FAT3: variants seen among roughly 807,000 people sequenced by gnomAD.
FAT3 encodes protocadherin Fat 3.
In FAT3, 95 loss-of-function variants were observed where a neutral mutation model predicts 310.2. That is an observed-to-expected ratio of 0.31 (90% confidence interval 0.26 to 0.36). The LOEUF (loss-of-function observed/expected upper bound fraction) is 0.36, where lower values mean the gene tolerates loss of function less well. Among genes scored for constraint, FAT3 ranks in the 10% least tolerant of loss-of-function variants. The probability of loss-of-function intolerance (pLI) is 1.00; values close to 1 mark genes in which losing one functional copy is unlikely to be tolerated. For synonymous variants in FAT3, 2,314 were observed against 2,192.9 expected, an observed-to-expected ratio of 1.06 and a Z score of -1.54; for missense variants, 5,408 against 5,715.6, an observed-to-expected ratio of 0.95 and a Z score of 1.74.
chr11:92,439,936 G>T (rs1456777658), intron 2 of FAT3, among the ~76,000 whole-genome samples: 3 of 146,136 alleles, frequency 2.1e-5, no homozygotes, highest in Non-Finnish European at 4.5e-5. Context: ...AAAAAGAAAA[G>T]AAAGAAAAAA....
intron 3 of FAT3, among the ~76,000 whole-genome samples, chr11:92,653,727 A>G (rs1182753878): frequency 1.3e-5 from 2 of 152,146 alleles, no homozygotes; most frequent in African/African-American, 4.8e-5. Flanking sequence ...TCCTACTGTG[A>G]TCCTAATAAA....
intron 21 of FAT3, among the ~76,000 whole-genome samples, chr11:92,863,994 G>A (rs914819496): frequency 1.4e-4 from 22 of 152,122 alleles, no homozygotes; most frequent in African/African-American, 5.3e-4. Context: ...AATCGTGTAG[G>A]CATCTGGCTT....
At chr11:92,548,117 A>T (rs908793703) in intron 3 of FAT3, among the ~76,000 whole-genome samples, 33 of 152,296 alleles carry the variant, frequency 2.2e-4, no homozygotes, top group Non-Finnish European at 5.9e-5. Context: ...ATCCTGTCTG[A>T]TGAGAAATAG....
chr11:92,789,424 G>A (rs529698803), intron 7 of FAT3, among the ~76,000 whole-genome samples: 4 of 152,218 alleles, frequency 2.6e-5, no homozygotes, highest in South Asian at 2.1e-4. Context: ...TTAGCGCCAC[G>A]TTCTTTGCTG....
At chr11:92,320,881 G>GGA (rs960849577) in intron 1 of FAT3, among the ~76,000 whole-genome samples, 1 of 74,440 alleles carries the variant, frequency 1.3e-5, no homozygotes, top group African/African-American at 1.4e-4. Context: ...AAAAAAAAAA[G>GGA]GGGGGGGTAC....
chr11:92,805,468 G>A (rs1235185329), intron 11 of FAT3, 119 bp downstream of exon 11: 7 of 1,001,110 alleles, frequency 7.0e-6, no homozygotes, highest in South Asian at 6.5e-5. Flanking sequence ...ATTGGGTGTG[G>A]GTATAAGAGG....
rs369048058 is a variant in FAT3, at chr11:92,832,031, C to G, written c.9871+20C>G. On this transcript the variant is annotated intron_variant, in intron 14 of 27. Coordinates refer to ENST00000525166, the MANE Select transcript of FAT3 (RefSeq NM_001367949.2). ...AGACAGGTGGGTAAATAGCACTGTACTTAGAATACAGAGCTTCAGCTTGGC... is the reference window on the plus strand; with the variant it reads ...AGACAGGTGGGTAAATAGCACTGTAGTTAGAATACAGAGCTTCAGCTTGGC... The G allele has an allele frequency of 6.6e-7, 1 of 1,516,466 alleles. No homozygotes were observed. Among genetic ancestry groups the G allele is most frequent in the South Asian group, 1.3e-5 (1 of 79,728 alleles). 93.9% of individuals were successfully genotyped at this position (1,516,466 alleles called of 1,614,324 possible).
intron 4 of FAT3, among the ~76,000 whole-genome samples, chr11:92,744,071 C>A (rs1945583180): frequency 6.6e-6 from 1 of 152,120 alleles, no homozygotes; most frequent in Non-Finnish European, 1.5e-5. Context: ...TGAGAGACTG[C>A]CAGTATATAA....
chr11:92,408,363 C>A (rs925422963), intron 2 of FAT3, among the ~76,000 whole-genome samples: 18 of 151,924 alleles, frequency 1.2e-4, no homozygotes, highest in African/African-American at 4.4e-4. Context: ...GGGAGGGTAT[C>A]ATTTGGTCCA....
intron 4 of FAT3, among the ~76,000 whole-genome samples, chr11:92,759,702 C>G (rs981175267): frequency 6.6e-6 from 1 of 152,096 alleles, no homozygotes; most frequent in East Asian, 1.9e-4. Context: ...CCACACTTCC[C>G]GCCTGTAGGT....
Position 92,857,102 on chromosome 11 carries a change from T to C in FAT3, c.11366-112T>C, listed in dbSNP as rs923141147. The stretch of plus-strand genomic sequence containing the variant: ...TTTGTGACTCAGCTCAGAGCCCACA[T>C]ATCCCAGCTCTTGAGCCATTTGTGT... On this transcript the variant is annotated intron_variant, in intron 19 of 27. Transcript: ENST00000525166. 6.0e-6 allele frequency: 9 copies of C among 1,499,670 alleles called. No homozygotes were observed. The African/African-American group carries it at 9.7e-5, about 16-fold the overall frequency. The allele number at this position is 1,499,670 out of a possible 1,614,324, so 92.9% of individuals were successfully genotyped here. A position where few individuals can be genotyped will look rare whatever the true frequency, so the allele number is the denominator to read the frequency against.
chr11:92,741,490 A>G (rs1021450150), intron 4 of FAT3, among the ~76,000 whole-genome samples: 11 of 152,238 alleles, frequency 7.2e-5, no homozygotes, highest in Admixed American at 5.9e-4. Flanking sequence ...TGTGTCTCAC[A>G]TTCTCCTGGA....
intron 4 of FAT3, among the ~76,000 whole-genome samples, chr11:92,730,045 G>T (rs1432443479): frequency 1.3e-5 from 2 of 151,986 alleles, no homozygotes; most frequent in Admixed American, 1.3e-4. Flanking sequence ...TATAAAAATT[G>T]ATTAAAATTA....
intron 1 of FAT3, among the ~76,000 whole-genome samples, chr11:92,256,907 G>T (rs1865338931): frequency 6.6e-6 from 1 of 151,994 alleles, no homozygotes. Flanking sequence ...CCACAATTAG[G>T]CTGTAAATCG....
At chr11:92,356,487 G>T (rs1458981143) in intron 2 of FAT3, among the ~76,000 whole-genome samples, 4 of 152,156 alleles carry the variant, frequency 2.6e-5, no homozygotes, top group Admixed American at 2.0e-4. Context: ...AGTTCGGGAG[G>T]CTGGAAGTCC....
intron 1 of FAT3, among the ~76,000 whole-genome samples, chr11:92,323,807 G>A (rs933798067): frequency 9.2e-5 from 14 of 152,142 alleles, no homozygotes; most frequent in African/African-American, 3.4e-4. Context: ...TAACAAGAGA[G>A]TTAGCTTGTC....
chr11:92,762,222 T>G, intron 5 of FAT3, 52 bp downstream of exon 5: 1 of 1,521,672 alleles, frequency 6.6e-7, no homozygotes, highest in Non-Finnish European at 8.9e-7. Flanking sequence ...AGTGGTTATG[T>G]TCTTATTCAA....
chr11:92,659,665 A>G (rs1237826793), intron 3 of FAT3, among the ~76,000 whole-genome samples: 1 of 152,208 alleles, frequency 6.6e-6, no homozygotes, highest in Non-Finnish European at 1.5e-5. Flanking sequence ...GATGCTACCT[A>G]GGTTCAGACC....
Position 92,889,203 on chromosome 11 carries a change from G to A in FAT3, c.13066G>A (p.Val4356Ile). The A allele has an allele frequency of 1.4e-6, 1 of 714,012 alleles. No homozygotes were observed. Among genetic ancestry groups the A allele is most frequent in the Non-Finnish European group, 2.6e-6 (1 of 383,652 alleles). 44.2% of individuals were successfully genotyped at this position (714,012 alleles called of 1,614,324 possible). The stretch of plus-strand genomic sequence containing the variant: ...CTGACCACAAGCCTCCATAGTGACT[G>A]TCATTCAGCTTGTCAACAATGTAGT... ...SGDDNASIVT[V>I]IQLVNNVVDT... The change falls in exon 26 of 28, where the codon GTC becomes ATC. Residue 4356 changes from valine (V) to isoleucine (I), a missense_variant. Physicochemically the swap from Val to Ile is conservative, Grantham distance 29. Around this residue, in one of 5 missense-constraint regions of FAT3, gnomAD observed 649 missense variants for 666.2 expected, o/e 0.97. Transcript: ENST00000525166.
Sources: allele counts gnomAD v4.1 joint callset (sites outside exome capture counted in the v4.1 genomes callset), GRCh38; gene constraint gnomAD v4.1.1; regional missense constraint gnomAD v4.1.1; transcripts MANE v1.5; gene names NCBI Gene and HGNC (gene_info 2026-07-23, HGNC 2026-07-21).